Variants in STXBP6 observed in about 807,000 individuals in gnomAD.
STXBP6 encodes syntaxin binding protein 6.
In STXBP6, 21 loss-of-function variants were observed where a neutral mutation model predicts 26.9. The ratio of observed to expected loss-of-function variants is 0.78; its 90% CI spans 0.55 to 1.12. The LOEUF (loss-of-function observed/expected upper bound fraction) is 1.12, where lower values mean the gene tolerates loss of function less well. Ranked by LOEUF, STXBP6 falls within the 50% of genes most tolerant of loss-of-function variation. The probability of loss-of-function intolerance (pLI) is 0.00; values close to 1 mark genes in which losing one functional copy is unlikely to be tolerated. For missense variants in STXBP6, 232 were observed against 257.9 expected (o/e 0.90, Z 0.69); for synonymous variants, 97 against 92.6 (o/e 1.05, Z -0.27).
chr14:24,862,165 T>C (rs185777509), intron 2 of STXBP6, among the ~76,000 whole-genome samples: 1 of 152,164 alleles, frequency 6.6e-6, no homozygotes, highest in Admixed American at 6.5e-5. Context: ...TACACCCAGC[T>C]AACTTTTATT....
intron 2 of STXBP6, among the ~76,000 whole-genome samples, chr14:24,923,009 TATAGAGA>T (rs1213252879): frequency 6.6e-6 from 1 of 152,102 alleles, no homozygotes; most frequent in Non-Finnish European, 1.5e-5. Context: ...TTGAAAAAGA[TATAGAGA>T]ATAAATACTC....
chr14:24,931,142 A>C (rs1012970588), intron 2 of STXBP6, among the ~76,000 whole-genome samples: 1 of 113,722 alleles, frequency 8.8e-6, no homozygotes, highest in African/African-American at 3.6e-5. Context: ...AAAAAAAAAA[A>C]CCCAAACACC....
At chr14:25,001,946 G>A (rs141957391) in intron 1 of STXBP6, among the ~76,000 whole-genome samples, 2 of 152,252 alleles carry the variant, frequency 1.3e-5, no homozygotes, top group African/African-American at 2.4e-5. Flanking sequence ...ATTCAAACAT[G>A]TACCTTCTCC....
chr14:24,969,455 T>C (rs1198912226), intron 2 of STXBP6, among the ~76,000 whole-genome samples: 1 of 152,242 alleles, frequency 6.6e-6, no homozygotes, highest in Non-Finnish European at 1.5e-5. Context: ...ACTTAGCATG[T>C]TTCTAGTTTA....
At chr14:24,987,804 G>A (rs1165599850) in intron 1 of STXBP6, 1 of 982,364 alleles carries the variant, frequency 1.0e-6, no homozygotes, top group Non-Finnish European at 1.2e-6. Flanking sequence ...GCAGAGTGGT[G>A]TGAACATATT....
At chr14:24,954,194 G>T (rs908796599) in intron 2 of STXBP6, among the ~76,000 whole-genome samples, 1 of 152,146 alleles carries the variant, frequency 6.6e-6, no homozygotes. Context: ...GCTTCTAAGG[G>T]AGTTGAGTCC....
At chr14:24,813,990 G>A (rs1054991309) in intron 5 of STXBP6, among the ~76,000 whole-genome samples, 1 of 152,174 alleles carries the variant, frequency 6.6e-6, no homozygotes, top group Non-Finnish European at 1.5e-5. Flanking sequence ...GTTAATCTCT[G>A]CTTGGGAAAC....
At chr14:24,950,932 TC>T (rs2073148815) in intron 2 of STXBP6, among the ~76,000 whole-genome samples, 2 of 151,738 alleles carry the variant, frequency 1.3e-5, no homozygotes, top group South Asian at 4.2e-4. Flanking sequence ...AATGTTCCCC[TC>T]CCTGTGTCCA....
At chr14:24,885,556 C>G (rs1458634263) in intron 2 of STXBP6, among the ~76,000 whole-genome samples, 2 of 152,206 alleles carry the variant, frequency 1.3e-5, no homozygotes, top group Admixed American at 6.5e-5. Context: ...AAACATGACC[C>G]AAATCATTAA....
intron 2 of STXBP6, among the ~76,000 whole-genome samples, chr14:24,944,682 C>T (rs2072918189): frequency 6.6e-6 from 1 of 152,170 alleles, no homozygotes; most frequent in Admixed American, 6.5e-5. Flanking sequence ...CATCACTACA[C>T]TAGACTATGA....
At chr14:24,966,261 GA>G (rs1418924548) in intron 2 of STXBP6, among the ~76,000 whole-genome samples, 2 of 152,110 alleles carry the variant, frequency 1.3e-5, no homozygotes, top group Admixed American at 1.3e-4. Flanking sequence ...TAAACCACTA[GA>G]AAAGCTGAAG....
intron 2 of STXBP6, among the ~76,000 whole-genome samples, chr14:24,875,892 G>T (rs1027243940): frequency 6.6e-6 from 1 of 152,082 alleles, no homozygotes; most frequent in Non-Finnish European, 1.5e-5. Context: ...TCATCAGGGG[G>T]TTCACATTTC....
intron 1 of STXBP6, among the ~76,000 whole-genome samples, chr14:25,019,868 G>GTTTTT (rs35017131): frequency 1.6e-5 from 2 of 128,238 alleles, no homozygotes; most frequent in Admixed American, 8.0e-5. Flanking sequence ...AGTTTCGTGG[G>GTTTTT]TTTTTTTTTT....
chr14:24,829,788 C>T (rs770034753), intron 4 of STXBP6, among the ~76,000 whole-genome samples: 1 of 152,048 alleles, frequency 6.6e-6, no homozygotes, highest in African/African-American at 2.4e-5. Flanking sequence ...ATTGTCCCCA[C>T]CCCATGACCG....
chr14:24,921,305 C>T (rs1218189044), intron 2 of STXBP6, among the ~76,000 whole-genome samples: 1 of 152,112 alleles, frequency 6.6e-6, no homozygotes, highest in Non-Finnish European at 1.5e-5. Flanking sequence ...ATAATCCCAG[C>T]TTCAACCAGG....
At chr14:24,915,369 G>A (rs537973666) in intron 2 of STXBP6, among the ~76,000 whole-genome samples, 3 of 152,158 alleles carry the variant, frequency 2.0e-5, no homozygotes, top group African/African-American at 7.2e-5. Context: ...TGTGGGGCAT[G>A]GATTGTTTCA....
At chr14:24,870,112 C>T (rs1289072864) in intron 2 of STXBP6, among the ~76,000 whole-genome samples, 1 of 152,016 alleles carries the variant, frequency 6.6e-6, no homozygotes, top group Non-Finnish European at 1.5e-5. Flanking sequence ...GTAAACAGAC[C>T]TACTAATTTT....
intron 2 of STXBP6, among the ~76,000 whole-genome samples, chr14:24,955,425 G>A (rs1394087249): frequency 3.3e-5 from 5 of 152,150 alleles, no homozygotes; most frequent in East Asian, 1.9e-4. Flanking sequence ...GTGGAAGGGC[G>A]AGGATTAAAG....
chr14:24,830,214 G>A (rs1043600302), intron 4 of STXBP6, among the ~76,000 whole-genome samples: 2 of 152,084 alleles, frequency 1.3e-5, no homozygotes, highest in African/African-American at 4.8e-5. Context: ...GAGATCTTAA[G>A]TGCAAGCAGA....
Sources: gnomAD v4.1 joint callset for allele counts (sites outside exome capture counted in the v4.1 genomes callset) on GRCh38, gnomAD v4.1.1 for gene constraint, MANE v1.5 for transcripts, NCBI Gene and HGNC (gene_info 2026-07-23, HGNC 2026-07-21) for gene names.